The following STEAP1B variants were observed in gnomAD, a reference collection of about 807,000 sequenced individuals.
STEAP1B encodes STEAP family member 1B.
In STEAP1B, 13 loss-of-function variants were observed where a neutral mutation model predicts 27.9. The ratio of observed to expected loss-of-function variants is 0.47; its 90% CI spans 0.30 to 0.74. The LOEUF (loss-of-function observed/expected upper bound fraction) is 0.74, where lower values mean the gene tolerates loss of function less well. Among genes scored for constraint, STEAP1B ranks in the 30% least tolerant of loss-of-function variants. The pLI is 0.06. For synonymous variants in STEAP1B, 86 were observed against 107.1 expected, an observed-to-expected ratio of 0.80 and a Z score of 1.22; for missense variants, 250 against 298.7, an observed-to-expected ratio of 0.84 and a Z score of 1.20.
chr7:22,442,568 T>C (rs1413585941), intron 4 of STEAP1B, among the ~76,000 whole-genome samples: 1 of 151,890 alleles, frequency 6.6e-6, no homozygotes, highest in Admixed American at 6.6e-5. Context: ...GATGGTGGAG[T>C]GGCTGAGCTG....
chr7:22,448,298 G>C (rs1052121821), intron 4 of STEAP1B, among the ~76,000 whole-genome samples: 35 of 152,114 alleles, frequency 2.3e-4, no homozygotes, highest in Admixed American at 1.8e-3. Context: ...AAGGAATATA[G>C]ATACCAATTA....
chr7:22,492,156 T>C (rs1054821228), intron 4 of STEAP1B, among the ~76,000 whole-genome samples: 1 of 151,250 alleles, frequency 6.6e-6, no homozygotes, highest in Admixed American at 6.6e-5. Context: ...CTGTCTCTAC[T>C]AAAAATACAA....
intron 4 of STEAP1B, among the ~76,000 whole-genome samples, chr7:22,458,521 G>C (rs779284358): frequency 6.6e-6 from 1 of 152,202 alleles, no homozygotes; most frequent in Non-Finnish European, 1.5e-5. Context: ...GCAGTGGTAT[G>C]AATATTTATA....
Position 22,437,300 on chromosome 7 carries a change from T to G in STEAP1B, c.763-17464A>C, listed in dbSNP as rs572872160. On this transcript the variant is annotated intron_variant, in intron 4 of 4. Transcript: ENST00000678116. Reference sequence around the variant, plus strand: ...TCCTAATAACCACCATTCTATTCTCTGTTTCTATGAGTTTGACTATTTTAG... The same window carrying G: ...TCCTAATAACCACCATTCTATTCTCGGTTTCTATGAGTTTGACTATTTTAG... Among the ~76,000 whole-genome samples the G allele has an allele frequency of 7.2e-5, 11 of 152,380 alleles. 1 individual carries two copies.
intron 4 of STEAP1B, among the ~76,000 whole-genome samples, chr7:22,477,946 T>G (rs1165619222): frequency 6.6e-6 from 1 of 152,026 alleles, no homozygotes; most frequent in Non-Finnish European, 1.5e-5. Context: ...TCAAAAAACA[T>G]AGGGAAAAAC....
At chr7:22,438,354 T>C (rs1051818305) in intron 4 of STEAP1B, 7 of 1,015,648 alleles carry the variant, frequency 6.9e-6, no homozygotes, top group African/African-American at 3.3e-5. Context: ...ATAATACTGT[T>C]AGTGAAGATT....
intron 4 of STEAP1B, among the ~76,000 whole-genome samples, chr7:22,430,017 G>A (rs1785157076): frequency 6.6e-6 from 1 of 152,214 alleles, no homozygotes; most frequent in Non-Finnish European, 1.5e-5. Context: ...TGAGGGACTA[G>A]ATTGGGGAAC....
chr7:22,495,702 A>T (rs1786428297), intron 1 of STEAP1B, among the ~76,000 whole-genome samples: 1 of 152,110 alleles, frequency 6.6e-6, no homozygotes, highest in Non-Finnish European at 1.5e-5. Context: ...TTAGATATAC[A>T]ACAATTTGAT....
chr7:22,461,437 A>G (rs538767506), intron 4 of STEAP1B, among the ~76,000 whole-genome samples: 1 of 151,972 alleles, frequency 6.6e-6, no homozygotes, highest in East Asian at 1.9e-4. Context: ...TAATTTTCGT[A>G]TTTTTAGTAG....
chr7:22,496,872 G>A (rs1484829939), intron 1 of STEAP1B, among the ~76,000 whole-genome samples: 1 of 152,180 alleles, frequency 6.6e-6, no homozygotes, highest in Non-Finnish European at 1.5e-5. Context: ...CTATAACAAA[G>A]GATAACGAGA....
rs369372747 is a variant in STEAP1B, at chr7:22,489,154, C to A, written c.762+3411G>T. Among the ~76,000 whole-genome samples, 146 of 152,260 alleles carry A rather than the reference C, an allele frequency of 9.6e-4. 7 individuals carry two copies. In the South Asian group the frequency reaches 0.029, roughly 30 times the overall value. ...GCCTGCACGTGACTTCACAAAAGAA[C>A]ATAAGACCTAGGGTCTGTCCTCCTA... On this transcript the variant is annotated intron_variant, in intron 4 of 4. Coordinates refer to ENST00000678116, the MANE Select transcript of STEAP1B (RefSeq NM_001382447.1).
chr7:22,456,972 A>ATATATTTTTTTTTTTTTTTTTTTTTTTTT, intron 4 of STEAP1B, among the ~76,000 whole-genome samples: 1 of 57,046 alleles, frequency 1.8e-5, no homozygotes, highest in African/African-American at 7.0e-5. Context: ...ATATATATAT[A>ATATATTTTTTTTTTTTTTTTTTTTTTTTT]TTTTTTTTTT....
chr7:22,457,517 C>T (rs1294202790), intron 4 of STEAP1B, among the ~76,000 whole-genome samples: 3 of 152,360 alleles, frequency 2.0e-5, no homozygotes, highest in South Asian at 4.1e-4. Flanking sequence ...CCAAGCATAA[C>T]TGCACACTAG....
intron 4 of STEAP1B, among the ~76,000 whole-genome samples, chr7:22,454,214 T>A (rs1785534238): frequency 6.6e-6 from 1 of 152,232 alleles, no homozygotes; most frequent in Admixed American, 6.5e-5. Flanking sequence ...GCCCTAGGGA[T>A]GAGAGAGAAC....
At chr7:22,439,456 G>A (rs1239808593) in intron 4 of STEAP1B, among the ~76,000 whole-genome samples, 1 of 151,678 alleles carries the variant, frequency 6.6e-6, no homozygotes, top group Non-Finnish European at 1.5e-5. Context: ...TACAAGTCAT[G>A]AAATCAAAGT....
chr7:22,464,211 T>C lies in STEAP1B; in HGVS notation c.762+28354A>G, dbSNP rs1388479168. Among the ~76,000 whole-genome samples, 2 of 152,320 alleles carry C rather than the reference T, an allele frequency of 1.3e-5. 1 individual carries two copies. Among genetic ancestry groups the C allele is most frequent in the African/African-American group, 4.8e-5 (2 of 41,558 alleles). ...TAGAACAATGTGTTCGCAATGCCATTAGGAAGATTTATCACCTGCAATGAG... is the reference window on the plus strand; with the variant it reads ...TAGAACAATGTGTTCGCAATGCCATCAGGAAGATTTATCACCTGCAATGAG... On this transcript the variant is annotated intron_variant, in intron 4 of 4. Transcript: ENST00000678116.
chr7:22,484,315 C>T (rs541125610), intron 4 of STEAP1B, among the ~76,000 whole-genome samples: 4 of 152,256 alleles, frequency 2.6e-5, no homozygotes, highest in South Asian at 2.1e-4. Flanking sequence ...TAAGTGGAAG[C>T]GAATGCACAT....
At chr7:22,471,410 A>AGATGT in intron 4 of STEAP1B, among the ~76,000 whole-genome samples, 1 of 152,058 alleles carries the variant, frequency 6.6e-6, no homozygotes, top group Non-Finnish European at 1.5e-5. Flanking sequence ...ACAAGTAAAA[A>AGATGT]CCATCTGCTG....
chr7:22,471,893 C>CAAAAA (rs59453902), intron 4 of STEAP1B, among the ~76,000 whole-genome samples: 3 of 60,186 alleles, frequency 5.0e-5, no homozygotes, highest in African/African-American at 1.2e-4. Context: ...AACCTGTCTC[C>CAAAAA]AAAAAAAAAA....
Sources: allele counts gnomAD v4.1 joint callset (sites outside exome capture counted in the v4.1 genomes callset), GRCh38; gene constraint gnomAD v4.1.1; transcripts MANE v1.5; gene names NCBI Gene and HGNC (gene_info 2026-07-23, HGNC 2026-07-21).